Variants in DOCK9 observed in about 807,000 individuals in gnomAD.
The protein encoded by DOCK9 is dedicator of cytokinesis protein 9.
Under a neutral mutation model 263.3 loss-of-function variants are expected in DOCK9, and 89 were observed. The observed-to-expected ratio is 0.34, with a 90% CI of 0.28 to 0.40. The LOEUF is 0.40. Among genes scored for constraint, DOCK9 ranks in the 10% least tolerant of loss-of-function variants. The probability of loss-of-function intolerance (pLI) is 1.00; values close to 1 mark genes in which losing one functional copy is unlikely to be tolerated. For synonymous variants in DOCK9, 976 were observed against 973.1 expected (o/e 1.00, Z -0.06); for missense variants, 2,140 against 2,603.4 (o/e 0.82, Z 3.87).
chr13:98,973,021 A>T (rs1363294372), intron 1 of DOCK9, among the ~76,000 whole-genome samples: 1 of 152,234 alleles, frequency 6.6e-6, no homozygotes, highest in African/African-American at 2.4e-5. Flanking sequence ...GGCTTTGAAT[A>T]AATAAAATTT....
rs768798962 is a variant in DOCK9 at position 98,888,764 on chromosome 13, G to C, written c.1710-53C>G. 2.7e-6 allele frequency: 4 copies of C among 1,465,846 alleles called. No homozygotes were observed. The Admixed American group carries it at 5.1e-5, about 19-fold the overall frequency. The allele number at this position is 1,465,846 out of a possible 1,614,324, so 90.8% of individuals were successfully genotyped here. On this transcript the variant is annotated intron_variant, in intron 15 of 52. Transcript: ENST00000682017. Reference sequence around the variant, plus strand: ...ACATTCGTAAGTTAACTCTAAAACCGACACTCTAGAGCAGCACTTCCAAGA... The same window carrying C: ...ACATTCGTAAGTTAACTCTAAAACCCACACTCTAGAGCAGCACTTCCAAGA...
In DOCK9 at chr13:98,797,459, C is replaced by T. The variant is rs773902207; in HGVS notation, c.5947G>A (p.Ala1983Thr). ...VNAGPLAYAR[A>T]FLDDTNTKRY... ...TTTGTGTTTGTATCATCTAAGAAAG[C>T]TCGCGCATATGCTAGTGGGCCAGCA... Residue 1983 changes from alanine (A) to threonine (T), a missense_variant, in exon 51 of 53, where the codon GCT (alanine) becomes ACT (threonine). Physicochemically the swap from Ala to Thr is moderately conservative, Grantham distance 58. This residue lies in a region of DOCK9 where 619 missense variants were observed against 861.8 expected (regional missense o/e 0.72). Coordinates refer to ENST00000682017, the MANE Select transcript of DOCK9 (RefSeq NM_001366683.2). The T allele has an allele frequency of 6.2e-7, 1 of 1,612,916 alleles. No individual in the cohort carries two copies.
chr13:98,827,075 AAATT>A (rs1490634150), intron 43 of DOCK9, among the ~76,000 whole-genome samples, 188 bp from the exon 44 acceptor site: 1 of 152,252 alleles, frequency 6.6e-6, no homozygotes. Context: ...TGAAAATTTG[AAATT>A]AATTGGGAGT....
At chr13:99,077,790 T>C (rs12871473) in intron 1 of DOCK9, among the ~76,000 whole-genome samples, 8,639 of 152,242 alleles carry the variant, frequency 0.057, 262 homozygotes, top group Middle Eastern at 0.12. Context: ...ACATTCAAGA[T>C]GGGGGCTGTC....
rs749488645 is a variant in DOCK9 at position 98,897,582 on chromosome 13, G to T, written c.1615C>A (p.Leu539Ile). Residue 539 changes from leucine to isoleucine, a missense_variant, in exon 15 of 53, where the codon CTT (leucine) becomes ATT (isoleucine). This residue lies in a region of DOCK9 where 1,521 missense variants were observed against 1,741.7 expected (regional missense o/e 0.87). Transcript: ENST00000682017. The part of the protein sequence containing the change: ...RTLFKDASGN[L>I]DKNARFSAIY... Reference sequence around the variant, plus strand: ...GCAGAAAATCTGGCATTTTTGTCAAGATTTCCAGATGCATCCTTAAACAAT... The same window carrying T: ...GCAGAAAATCTGGCATTTTTGTCAATATTTCCAGATGCATCCTTAAACAAT... The T allele has an allele frequency of 6.2e-7, 1 of 1,613,940 alleles. No homozygotes were observed. Among genetic ancestry groups the T allele is most frequent in the Non-Finnish European group, 8.5e-7 (1 of 1,179,856 alleles).
At chr13:98,850,173 C>T (rs1380085756) in intron 35 of DOCK9, 60 bp from the exon 36 acceptor site, 11 of 1,231,980 alleles carry the variant, frequency 8.9e-6, no homozygotes, top group South Asian at 1.6e-5. Context: ...TGGAGAATCA[C>T]CTGTTGTGAA....
At chr13:98,992,151 G>C (rs1210288158) in intron 1 of DOCK9, among the ~76,000 whole-genome samples, 1 of 152,070 alleles carries the variant, frequency 6.6e-6, no homozygotes, top group African/African-American at 2.4e-5. Flanking sequence ...CCCAACAGGA[G>C]GGATGGCTGA....
chr13:98,932,123 T>C (rs1382674040), intron 2 of DOCK9, among the ~76,000 whole-genome samples: 1 of 152,000 alleles, frequency 6.6e-6, no homozygotes, highest in Non-Finnish European at 1.5e-5. Context: ...CTGGGCGCGG[T>C]GACTGACGCC....
At chr13:98,953,504 A>T (rs1416751100) in intron 2 of DOCK9, among the ~76,000 whole-genome samples, 3 of 152,362 alleles carry the variant, frequency 2.0e-5, no homozygotes, top group Middle Eastern at 3.4e-3. Flanking sequence ...TTTGTTTCTT[A>T]AGCAATTTTA....
intron 48 of DOCK9, among the ~76,000 whole-genome samples, chr13:98,806,651 A>G (rs2090744787): frequency 6.6e-6 from 1 of 152,180 alleles, no homozygotes; most frequent in African/African-American, 2.4e-5. Flanking sequence ...GCTCACGCCT[A>G]TAATCCTAGC....
intron 6 of DOCK9, 148 bp downstream of exon 6, chr13:98,921,903 G>A: frequency 1.5e-6 from 1 of 664,882 alleles, no homozygotes; most frequent in Non-Finnish European, 2.6e-6. Flanking sequence ...GCCAATGGGG[G>A]TGCTATCACC....
chr13:98,895,451 G>C (rs2047277602), intron 15 of DOCK9, among the ~76,000 whole-genome samples: 1 of 152,274 alleles, frequency 6.6e-6, no homozygotes, highest in African/African-American at 2.4e-5. Flanking sequence ...CAGATCACAA[G>C]GTCAGCAGTT....
intron 1 of DOCK9, among the ~76,000 whole-genome samples, chr13:99,078,685 G>A (rs2042008008): frequency 6.6e-6 from 1 of 152,202 alleles, no homozygotes; most frequent in African/African-American, 2.4e-5. Flanking sequence ...TCCACCACTT[G>A]CTAAGTTCTG....
At chr13:98,941,132 C>T (rs73564813) in intron 2 of DOCK9, among the ~76,000 whole-genome samples, 9,264 of 152,228 alleles carry the variant, frequency 0.061, 598 homozygotes, top group African/African-American at 0.16. Context: ...CTCAGGAACA[C>T]GTACCATTCT....
chr13:99,058,438 G>A (rs1378473512), intron 1 of DOCK9, among the ~76,000 whole-genome samples: 1 of 152,070 alleles, frequency 6.6e-6, no homozygotes, highest in African/African-American at 2.4e-5. Context: ...CTGGGATTAT[G>A]GGCATGAGCC....
chr13:98,820,205 T>C (rs576032529), intron 45 of DOCK9, among the ~76,000 whole-genome samples: 36 of 152,350 alleles, frequency 2.4e-4, no homozygotes, highest in African/African-American at 8.4e-4. Context: ...ATATATATTG[T>C]TGATTCATTA....
At chr13:99,041,617 G>A (rs1173897898) in intron 1 of DOCK9, among the ~76,000 whole-genome samples, 1 of 152,226 alleles carries the variant, frequency 6.6e-6, no homozygotes, top group African/African-American at 2.4e-5. Flanking sequence ...TACAGATGGA[G>A]ACTGTGGTAG....
intron 7 of DOCK9, among the ~76,000 whole-genome samples, chr13:98,920,714 C>T (rs1026810797): frequency 4.7e-4 from 71 of 152,228 alleles, no homozygotes; most frequent in African/African-American, 1.7e-3. Context: ...TTAAAGGTCA[C>T]GCAGCTATAA....
chr13:99,021,563 C>T (rs144334529), intron 1 of DOCK9, among the ~76,000 whole-genome samples: 5,390 of 148,512 alleles, frequency 0.036, 240 homozygotes, highest in African/African-American at 0.1. Flanking sequence ...GGCGTGAACC[C>T]GGAAGGCAGA....
Sources: allele counts gnomAD v4.1 joint callset (sites outside exome capture counted in the v4.1 genomes callset), GRCh38; gene constraint gnomAD v4.1.1; regional missense constraint gnomAD v4.1.1; transcripts MANE v1.5; gene names NCBI Gene and HGNC (gene_info 2026-07-23, HGNC 2026-07-21).